TBCB: variants seen among roughly 807,000 people sequenced by gnomAD.
TBCB encodes tubulin folding cofactor B.
TBCB carries 18 observed loss-of-function variants against 29.2 expected under a neutral mutation model. That is an observed-to-expected ratio of 0.62 (90% CI 0.43 to 0.91). The LOEUF (loss-of-function observed/expected upper bound fraction) is 0.91, where lower values mean the gene tolerates loss of function less well. Ranked by LOEUF, TBCB falls within the 40% of genes least tolerant of loss-of-function variation. The pLI, the probability that TBCB is intolerant of heterozygous loss-of-function variation, is 0.00. For missense variants in TBCB, 336 were observed against 337.6 expected (o/e 1.00, Z 0.04); for synonymous variants, 172 against 137.8 (o/e 1.25, Z -1.74).
In TBCB at chr19:36,116,119, A is replaced by C; in HGVS notation, c.193A>C (p.Ser65Arg). The C allele has an allele frequency of 6.2e-7, 1 of 1,614,220 alleles. No homozygotes were observed. The highest frequency in any genetic ancestry group is 8.5e-7 in the Non-Finnish European group (1 of 1,180,042). ...GTATGGAGTTGACGACAAGTTCTAC[A>C]GCAAGCTGGATCAAGAGGATGCGCT... ...ELYGVDDKFY[S>R]KLDQEDALLG... The change falls in exon 2 of 6, where the codon AGC (serine) becomes CGC (arginine). Residue 65 changes from serine (S) to arginine (R), a missense_variant. By Grantham distance (110) the Ser-to-Arg change is moderately radical (BLOSUM62 -1). Coordinates refer to ENST00000221855, the MANE Select transcript of TBCB (RefSeq NM_001281.3).
chr19:36,125,455 C>T lies in TBCB; in HGVS notation c.552C>T (p.Leu184=). ...PRRGTVMYVG[L]TDFKPGYWIG... The stretch of plus-strand genomic sequence containing the variant: ...GGATTTCTCTTCTGTTGGCAGGTCT[C>T]ACAGATTTCAAGCCTGGCTACTGGA... The change falls in exon 5 of 6, where the codon CTC becomes CTT. Residue 184 remains leucine, a synonymous_variant. Transcript: ENST00000221855. 1.9e-6 allele frequency: 3 copies of T among 1,614,204 alleles called. No homozygotes were observed. Among genetic ancestry groups the T allele is most frequent in the Non-Finnish European group, 1.7e-6 (2 of 1,180,022 alleles).
At chr19:36,116,275 C>A in intron 2 of TBCB, 91 bp downstream of exon 2, 1 of 1,529,206 alleles carries the variant, frequency 6.5e-7, no homozygotes, top group South Asian at 1.2e-5. Flanking sequence ...CAGTCATACC[C>A]GAGATAGGTC....
chr19:36,115,171 A>G, upstream of TBCB: 1 of 554,954 alleles, frequency 1.8e-6, no homozygotes. Context: ...CATCCAGGAC[A>G]GAAGCCAAGG....
At chr19:36,122,138 A>G in intron 4 of TBCB, 1 of 277,252 alleles carries the variant, frequency 3.6e-6, no homozygotes, top group Non-Finnish European at 7.0e-6. Context: ...GTGAAAAGGG[A>G]GGAAGAGTTC....
chr19:36,115,333 G>A (rs1253537278), upstream of TBCB: 2 of 567,574 alleles, frequency 3.5e-6, no homozygotes, highest in African/African-American at 2.0e-5. Flanking sequence ...AACTATGGAA[G>A]GCCCCTCTGG....
chr19:36,118,562 C>T (rs1973994474), intron 2 of TBCB: 1 of 152,008 alleles, frequency 6.6e-6, no homozygotes. Context: ...TGCCTGTAAT[C>T]CTAGCTACTC....
At chr19:36,121,407 A>G (rs1974046954) in intron 3 of TBCB, 120 bp from the exon 4 acceptor site, 1 of 1,249,772 alleles carries the variant, frequency 8.0e-7, no homozygotes, top group Non-Finnish European at 1.1e-6. Flanking sequence ...GGCTTGGGTG[A>G]CAGCCCTTTG....
intron 2 of TBCB, chr19:36,116,615 A>T (rs1279371322): frequency 6.3e-6 from 1 of 158,756 alleles, no homozygotes; most frequent in Non-Finnish European, 1.4e-5. Context: ...TTGTGCATCC[A>T]CTCAGTACAT....
intron 3 of TBCB, 66 bp from the exon 4 acceptor site, chr19:36,121,461 G>C: frequency 6.7e-7 from 1 of 1,491,252 alleles, no homozygotes. Context: ...GGCCCCTCGT[G>C]GGTGGAGCGT....
At chr19:36,124,617 C>T (rs891930967) in intron 4 of TBCB, among the ~76,000 whole-genome samples, 3 of 151,954 alleles carry the variant, frequency 2.0e-5, no homozygotes, top group African/African-American at 4.8e-5. Flanking sequence ...TCAGCTCGCT[C>T]GTTCCAACCT....
At chr19:36,116,643 G>A (rs984122863) in intron 2 of TBCB, 1 of 153,608 alleles carries the variant, frequency 6.5e-6, no homozygotes, top group African/African-American at 2.4e-5. Flanking sequence ...GTCTTTTTTT[G>A]AGACAGAGTC....
upstream of TBCB, chr19:36,115,390 TG>T: frequency 3.4e-6 from 2 of 594,564 alleles, no homozygotes; most frequent in Non-Finnish European, 6.0e-6. Context: ...TTCCTGGCGG[TG>T]GGGAAGGGAC....
At chr19:36,122,854 T>C (rs1307908999) in intron 4 of TBCB, among the ~76,000 whole-genome samples, 1 of 151,908 alleles carries the variant, frequency 6.6e-6, no homozygotes, top group Non-Finnish European at 1.5e-5. Flanking sequence ...AGTGTACCCA[T>C]GACCCAAATT....
At chr19:36,125,208 G>A (rs1028162186) in intron 4 of TBCB, among the ~76,000 whole-genome samples, 16 of 152,220 alleles carry the variant, frequency 1.1e-4, no homozygotes, top group African/African-American at 3.9e-4. Context: ...TCACTGGCTG[G>A]TGTCTTCACC....
At chr19:36,115,456 G>T (rs7258441), upstream of TBCB, 194 of 844,862 alleles carry the variant, frequency 2.3e-4, no homozygotes, top group African/African-American at 2.6e-3. Flanking sequence ...CAGGCACGGA[G>T]CAGGAGGCGG....
At chr19:36,120,443 C>T (rs376901763) in intron 2 of TBCB, 2 of 478,132 alleles carry the variant, frequency 4.2e-6, no homozygotes, top group African/African-American at 2.0e-5. Context: ...GACTTTGGGG[C>T]CCTTGGCGAT....
intron 4 of TBCB, among the ~76,000 whole-genome samples, chr19:36,124,167 G>T (rs1313671488): frequency 2.6e-5 from 4 of 152,206 alleles, no homozygotes; most frequent in African/African-American, 9.6e-5. Flanking sequence ...TAATGATGTT[G>T]AGCATCTTTG....
intron 4 of TBCB, among the ~76,000 whole-genome samples, chr19:36,123,018 T>A (rs976706334): frequency 6.6e-6 from 1 of 152,148 alleles, no homozygotes; most frequent in Non-Finnish European, 1.5e-5. Context: ...ATTTGCCGAT[T>A]CTGGATGTTT....
intron 2 of TBCB, among the ~76,000 whole-genome samples, chr19:36,117,291 TC>T (rs1383610461): frequency 6.6e-6 from 1 of 152,184 alleles, no homozygotes. Context: ...CACTACTGTG[TC>T]CCCAGTACTT....
Sources: allele counts gnomAD v4.1 joint callset (sites outside exome capture counted in the v4.1 genomes callset), GRCh38; gene constraint gnomAD v4.1.1; transcripts MANE v1.5; gene names NCBI Gene and HGNC (gene_info 2026-07-23, HGNC 2026-07-21).